Variants in SUPT20H observed in about 807,000 individuals in gnomAD.
SUPT20H encodes the protein transcription factor SPT20 homolog.
In SUPT20H, 82 loss-of-function variants were observed where a neutral mutation model predicts 122.8. That is an observed-to-expected ratio of 0.67 (90% CI 0.56 to 0.80). The LOEUF (loss-of-function observed/expected upper bound fraction) is 0.80, where lower values mean the gene tolerates loss of function less well. Ranked by LOEUF, SUPT20H falls within the 30% of genes least tolerant of loss-of-function variation. SUPT20H has a pLI of 0.00. For synonymous variants in SUPT20H, 291 were observed against 313.0 expected, an observed-to-expected ratio of 0.93 and a Z score of 0.74; for missense variants, 831 against 921.6, an observed-to-expected ratio of 0.90 and a Z score of 1.27.
intron 23 of SUPT20H, among the ~76,000 whole-genome samples, chr13:37,015,314 C>A (rs546829729): frequency 1.3e-5 from 2 of 149,370 alleles, no homozygotes; most frequent in African/African-American, 2.5e-5. Context: ...AAAAATTAAT[C>A]TGAAAAAAAA....
intron 23 of SUPT20H, among the ~76,000 whole-genome samples, chr13:37,015,610 A>G (rs1188693051): frequency 6.6e-6 from 1 of 152,190 alleles, no homozygotes; most frequent in Non-Finnish European, 1.5e-5. Flanking sequence ...TACAGCCACT[A>G]TGGAAAACAG....
intron 1 of SUPT20H, among the ~76,000 whole-genome samples, chr13:37,058,073 G>A (rs367955810): frequency 6.6e-6 from 1 of 150,590 alleles, no homozygotes; most frequent in Admixed American, 6.6e-5. Flanking sequence ...AGACCAGCCT[G>A]ACCAACAATG....
At chr13:37,015,695 T>C (rs769532181) in intron 23 of SUPT20H, among the ~76,000 whole-genome samples, 1 of 151,780 alleles carries the variant, frequency 6.6e-6, no homozygotes, top group African/African-American at 2.4e-5. Context: ...TCCAGAAGAG[T>C]TGAAGACAGG....
chr13:37,048,447 A>G (rs1369141219), intron 3 of SUPT20H, 117 bp downstream of exon 3: 10 of 840,250 alleles, frequency 1.2e-5, no homozygotes, highest in Non-Finnish European at 1.8e-5. Flanking sequence ...TGATATGCAT[A>G]CTTGTCCTAA....
chr13:37,017,411 A>C, intron 22 of SUPT20H, 47 bp from the exon 23 acceptor site: 3 of 1,527,924 alleles, frequency 2.0e-6, no homozygotes, highest in Non-Finnish European at 1.8e-6. Flanking sequence ...ATGATTTTAT[A>C]TCAAATATTT....
At chr13:37,028,016 T>C (rs1260909391) in intron 14 of SUPT20H, 132 bp downstream of exon 14, 2 of 773,708 alleles carry the variant, frequency 2.6e-6, no homozygotes, top group Non-Finnish European at 3.7e-6. Context: ...CCAAATCTAA[T>C]TGTTATATTT....
chr13:37,010,515 C>G (rs367653831), intron 25 of SUPT20H, 37 bp downstream of exon 25: 370 of 1,577,022 alleles, frequency 2.3e-4, no homozygotes, highest in Admixed American at 1.2e-3. Context: ...AGCTGAGTAT[C>G]TTTAAAAATG....
intron 2 of SUPT20H, among the ~76,000 whole-genome samples, chr13:37,048,864 A>G (rs2067040968): frequency 6.6e-6 from 1 of 152,128 alleles, no homozygotes; most frequent in Admixed American, 6.6e-5. Context: ...GGAGGTTTGG[A>G]TATGGCAGCT....
chr13:37,010,518 T>TA, intron 25 of SUPT20H, 34 bp downstream of exon 25: 11 of 1,587,730 alleles, frequency 6.9e-6, no homozygotes, highest in Non-Finnish European at 9.5e-6. Context: ...TGAGTATCTT[T>TA]AAAAATGTAA....
At chr13:37,025,023 C>A (rs559053773) in intron 17 of SUPT20H, 43 of 318,324 alleles carry the variant, frequency 1.4e-4, no homozygotes, top group Non-Finnish European at 2.3e-4. Flanking sequence ...CTCACTGAAA[C>A]CTCCACCTCC....
At chr13:37,027,559 TTC>T (rs986524212) in intron 14 of SUPT20H, among the ~76,000 whole-genome samples, 1 of 152,138 alleles carries the variant, frequency 6.6e-6, no homozygotes, top group African/African-American at 2.4e-5. Context: ...TCTGCTGAGC[TTC>T]TTTTTTGTTT....
At chr13:37,048,032 G>C in intron 3 of SUPT20H, 96 bp from the exon 4 acceptor site, 1 of 797,268 alleles carries the variant, frequency 1.3e-6, no homozygotes. Context: ...GGCTAAAAAG[G>C]CTATTCACTT....
chr13:37,016,323 G>A (rs1415825623), intron 23 of SUPT20H, among the ~76,000 whole-genome samples: 4 of 151,978 alleles, frequency 2.6e-5, no homozygotes, highest in African/African-American at 4.8e-5. Flanking sequence ...ACAGCTACTC[G>A]GGAGGCTGAG....
intron 10 of SUPT20H, 39 bp from the exon 11 acceptor site, chr13:37,031,934 A>G: frequency 6.5e-7 from 1 of 1,529,106 alleles, no homozygotes; most frequent in Non-Finnish European, 8.7e-7. Flanking sequence ...GGCACTAATA[A>G]AAGAAACTCA....
rs1209964147 is a variant in SUPT20H at position 37,040,671 on chromosome 13, A to G, written c.418T>C (p.Cys140Arg). 1.2e-6 allele frequency: 2 copies of G among 1,613,482 alleles called. No homozygotes were observed. Among genetic ancestry groups the G allele is most frequent in the Non-Finnish European group, 1.7e-6 (2 of 1,179,838 alleles). Residue 140 changes from cysteine (C) to arginine (R), a missense_variant, in exon 8 of 26, where the codon TGT becomes CGT. Cys to Arg is a radical substitution (Grantham distance 180, BLOSUM62 -3). Transcript: ENST00000350612. ...TAGTCACGTATTTCTGCTATGACACATCCGCAATGAAAAATATTAACCTGT... is the reference window on the plus strand; with the variant it reads ...TAGTCACGTATTTCTGCTATGACACGTCCGCAATGAAAAATATTAACCTGT... Reference protein sequence around the residue: ...KSQVNIFHCGCVIAEIRDYRQ... With the variant: ...KSQVNIFHCGRVIAEIRDYRQ...
At chr13:37,020,525 TAACTGGTAC>T (rs1474008930) in intron 21 of SUPT20H, among the ~76,000 whole-genome samples, 1 of 152,200 alleles carries the variant, frequency 6.6e-6, no homozygotes, top group Non-Finnish European at 1.5e-5. Context: ...AAGCCACATG[TAACTGGTAC>T]AACTAGTAGT....
intron 24 of SUPT20H, 41 bp downstream of exon 24, chr13:37,012,151 T>C: frequency 6.9e-7 from 1 of 1,457,192 alleles, no homozygotes; most frequent in Non-Finnish European, 9.6e-7. Flanking sequence ...AGATTAGATA[T>C]GTTTAGTAAA....
chr13:37,019,361 C>T lies in SUPT20H; in HGVS notation c.1853G>A (p.Arg618Lys), dbSNP rs1315084178. ...GTTTACCTGGAGTAGATTTAAGGGC[C>T]TGAGACTTGAAGTATTTTTTAAACC... Reference protein sequence around the residue: ...PFGLKNTSSLRPLNLLQLPGG... With the variant: ...PFGLKNTSSLKPLNLLQLPGG... Residue 618 changes from arginine to lysine, a missense_variant, in exon 22 of 26, where the codon AGG becomes AAG. By Grantham distance (26) the Arg-to-Lys change is conservative (BLOSUM62 2). Coordinates refer to ENST00000350612, the MANE Select transcript of SUPT20H (RefSeq NM_001014286.3). The T allele has an allele frequency of 6.2e-7, 1 of 1,603,328 alleles. No individual in the cohort carries two copies. The highest frequency in any genetic ancestry group is 1.3e-5 in the African/African-American group (1 of 74,200).
intron 19 of SUPT20H, chr13:37,023,152 A>G (rs1040111672): frequency 1.9e-5 from 19 of 1,016,544 alleles, no homozygotes; most frequent in Non-Finnish European, 2.3e-5. Context: ...CCCACAACAT[A>G]AGAAGTGTGA....
Sources: gnomAD v4.1 joint callset for allele counts (sites outside exome capture counted in the v4.1 genomes callset) on GRCh38, gnomAD v4.1.1 for gene constraint, MANE v1.5 for transcripts, NCBI Gene and HGNC (gene_info 2026-07-23, HGNC 2026-07-21) for gene names.